Variants in PGBD2 observed in about 807,000 individuals in gnomAD.
The protein encoded by PGBD2 is piggyBac transposable element derived 2, also known as piggyBac transposable element-derived protein 2.
In PGBD2, 6 loss-of-function variants were observed where a neutral mutation model predicts 8.1. That is an observed-to-expected ratio of 0.74 (90% CI 0.40 to 1.46). The LOEUF is 1.46. Among genes scored for constraint, PGBD2 ranks in the 40% most tolerant of loss-of-function variants. PGBD2 has a pLI of 0.02. For synonymous variants in PGBD2, 318 were observed against 272.2 expected, an observed-to-expected ratio of 1.17 and a Z score of -1.66; for missense variants, 802 against 739.0, an observed-to-expected ratio of 1.09 and a Z score of -0.99.
At chr1:248,885,028 T>C in the PGBD2 span, among the ~76,000 whole-genome samples, 6 of 152,152 alleles carry the variant, frequency 3.9e-5, no homozygotes, top group Non-Finnish European at 7.4e-5. Context: ...CTACTTCCCA[T>C]CTCATAGTGG....
chr1:248,918,044 T>A lies in PGBD2; in HGVS notation c.1460T>A (p.Ile487Asn). The A allele has an allele frequency of 6.2e-7, 1 of 1,614,238 alleles. No individual in the cohort carries two copies. The highest frequency in any genetic ancestry group is 1.1e-5 in the South Asian group (1 of 91,088). ...GGCATGAAGTGGTACTCAAGCTTTA[T>A]TGGCTATGTCATTGATGCTGCCCTC... Reference protein sequence around the residue: ...IRGMKWYSSFIGYVIDAALNN... With the variant: ...IRGMKWYSSFNGYVIDAALNN... Residue 487 changes from isoleucine to asparagine, a missense_variant, in exon 3 of 3, where the codon ATT becomes AAT. Ile to Asn is a moderately radical substitution (Grantham distance 149). Transcript: ENST00000329291.
chr1:248,898,158 G>A, the PGBD2 span, among the ~76,000 whole-genome samples: 1 of 152,200 alleles, frequency 6.6e-6, no homozygotes, highest in Non-Finnish European at 1.5e-5. Flanking sequence ...CCGCCTGCTG[G>A]CTTTGGAGAG....
the PGBD2 span, among the ~76,000 whole-genome samples, chr1:248,888,777 A>T: frequency 6.6e-6 from 1 of 152,058 alleles, no homozygotes; most frequent in African/African-American, 2.4e-5. Context: ...TTTTTGTTGC[A>T]ATTGTTTTTG....
chr1:248,917,424 G>C lies in PGBD2; in HGVS notation c.840G>C (p.Gly280=). The change falls in exon 3 of 3, where the codon GGG becomes GGC. Residue 280 remains glycine (G), a synonymous_variant. Transcript: ENST00000329291. ...ESMCEYFGHR[G]SKQLHRGKPV... is the part of the protein sequence containing the mutation. Reference sequence around the variant, plus strand: ...TGTGTGAGTACTTTGGGCACCGGGGGTCCAAGCAGCTGCACAGGGGGAAGC... The same window carrying C: ...TGTGTGAGTACTTTGGGCACCGGGGCTCCAAGCAGCTGCACAGGGGGAAGC... The C allele has an allele frequency of 6.2e-7, 1 of 1,614,120 alleles. No homozygotes were observed. The highest frequency in any genetic ancestry group is 8.5e-7 in the Non-Finnish European group (1 of 1,180,026).
chr1:248,914,141 G>A (rs940772987), intron 2 of PGBD2, among the ~76,000 whole-genome samples: 1 of 152,204 alleles, frequency 6.6e-6, no homozygotes, highest in South Asian at 2.1e-4. Context: ...CATCTTTCAA[G>A]ATAAAGACAC....
the PGBD2 span, among the ~76,000 whole-genome samples, chr1:248,892,411 G>A: frequency 6.6e-5 from 10 of 151,602 alleles, no homozygotes; most frequent in Non-Finnish European, 1.2e-4. Context: ...GTGTCATCTG[G>A]TCTGAGTTAG....
chr1:248,890,324 G>A, the PGBD2 span, among the ~76,000 whole-genome samples: 1 of 152,122 alleles, frequency 6.6e-6, no homozygotes, highest in Admixed American at 6.5e-5. Context: ...CCTGTCTTCT[G>A]TCGAGCCACC....
the PGBD2 span, among the ~76,000 whole-genome samples, chr1:248,875,618 T>C: frequency 5.3e-5 from 8 of 152,242 alleles, no homozygotes; most frequent in African/African-American, 1.9e-4. Flanking sequence ...CTTCTTAACA[T>C]TTTGTAATAT....
upstream of PGBD2, among the ~76,000 whole-genome samples, chr1:248,902,525 A>G (rs150072492): frequency 6.6e-6 from 1 of 152,332 alleles, no homozygotes; most frequent in Non-Finnish European, 1.5e-5. Context: ...AAATCATTCT[A>G]TGATAAAGAT....
At chr1:248,881,488 G>T in the PGBD2 span, among the ~76,000 whole-genome samples, 1 of 152,186 alleles carries the variant, frequency 6.6e-6, no homozygotes, top group Non-Finnish European at 1.5e-5. Context: ...CCCATGTAAA[G>T]TTGGTATATT....
intron 2 of PGBD2, among the ~76,000 whole-genome samples, chr1:248,914,826 A>G (rs1662035305): frequency 6.6e-6 from 1 of 152,092 alleles, no homozygotes; most frequent in Non-Finnish European, 1.5e-5. Context: ...GGGCCTGTGG[A>G]GTCCTGTGGG....
the PGBD2 span, among the ~76,000 whole-genome samples, chr1:248,874,474 C>T: frequency 2.6e-5 from 4 of 152,132 alleles, no homozygotes; most frequent in Non-Finnish European, 5.9e-5. Flanking sequence ...AGTTTATGCG[C>T]GCCGTATATG....
chr1:248,906,689 G>A (rs1259508841), intron 1 of PGBD2, among the ~76,000 whole-genome samples: 1 of 150,522 alleles, frequency 6.6e-6, no homozygotes, highest in Non-Finnish European at 1.5e-5. Context: ...CGAAGGAGGC[G>A]GGCGGCCTGA....
the PGBD2 span, among the ~76,000 whole-genome samples, chr1:248,874,906 A>G: frequency 0.012 from 195 of 16,124 alleles, no homozygotes; most frequent in Admixed American, 0.026. Context: ...GTAGATAGAG[A>G]TAGATAGATA....
chr1:248,914,564 G>T, intron 2 of PGBD2: 1 of 1,289,278 alleles, frequency 7.8e-7, no homozygotes, highest in Non-Finnish European at 1.0e-6. Flanking sequence ...GGGCAGGTCT[G>T]TACTGATGCA....
At chr1:248,929,543 G>T in the PGBD2 span, among the ~76,000 whole-genome samples, 1 of 152,166 alleles carries the variant, frequency 6.6e-6, no homozygotes, top group Non-Finnish European at 1.5e-5. Context: ...AACCCTCCGA[G>T]TCAGGAGCGT....
chr1:248,917,922 G>A lies in PGBD2; in HGVS notation c.1338G>A (p.Gln446=), dbSNP rs767159334. ...RHSGAAKTRT[Q]VHQPSLVKLY... ...CTGGAGCAGCTAAAACGCGGACTCAGGTCCACCAGCCATCACTGGTGAAGC... is the reference window on the plus strand; with the variant it reads ...CTGGAGCAGCTAAAACGCGGACTCAAGTCCACCAGCCATCACTGGTGAAGC... The change falls in exon 3 of 3, where the codon CAG becomes CAA. Residue 446 remains glutamine (Q), a synonymous_variant. Transcript: ENST00000329291. 8 of 1,614,108 alleles carry A rather than the reference G, an allele frequency of 5.0e-6. No homozygotes were observed. The East Asian group carries it at 1.6e-4, about 31-fold the overall frequency.
intron 1 of PGBD2, among the ~76,000 whole-genome samples, chr1:248,907,024 C>T (rs909754257): frequency 3.3e-5 from 5 of 151,992 alleles, no homozygotes; most frequent in Non-Finnish European, 7.4e-5. Context: ...CCACAGTGGG[C>T]CCAGGGGACC....
chr1:248,917,083 C>T lies in PGBD2; in HGVS notation c.499C>T (p.Gln167Ter), dbSNP rs376861979. The change falls in exon 3 of 3, where the codon CAG (glutamine) becomes TAG (stop). Residue 167 changes from glutamine to a stop codon, truncating the protein, a stop_gained. Transcript: ENST00000329291. LOFTEE classifies it low-confidence loss of function (END_TRUNC). ...IVNETNRYAW[Q>*]KNVNLSLTAQ... ...TAATGAAACCAATCGTTATGCTTGGCAGAAAAATGTCAATTTGAGTCTTAC... is the reference window on the plus strand; with the variant it reads ...TAATGAAACCAATCGTTATGCTTGGTAGAAAAATGTCAATTTGAGTCTTAC... 6.2e-7 allele frequency: 1 copy of T among 1,613,496 alleles called. No homozygotes were observed. Among genetic ancestry groups the T allele is most frequent in the African/African-American group, 1.3e-5 (1 of 74,928 alleles).
Sources: allele counts gnomAD v4.1 joint callset (sites outside exome capture counted in the v4.1 genomes callset), GRCh38; gene constraint gnomAD v4.1.1; transcripts MANE v1.5; gene names NCBI Gene and HGNC (gene_info 2026-07-23, HGNC 2026-07-21).